AKR7A3: variants seen among roughly 807,000 people sequenced by gnomAD.
AKR7A3 encodes the protein aldo-keto reductase family 7 member A3.
In AKR7A3, 37 loss-of-function variants were observed where a neutral mutation model predicts 32.5. That is an observed-to-expected ratio of 1.14 (90% confidence interval 0.88 to 1.50). The LOEUF (loss-of-function observed/expected upper bound fraction) is 1.50. AKR7A3 is among the 40% of genes most tolerant of loss of function. The probability of loss-of-function intolerance (pLI) is 0.00; values close to 1 mark genes in which losing one functional copy is unlikely to be tolerated. For synonymous variants in AKR7A3, 177 were observed against 188.4 expected (o/e 0.94, Z 0.50); for missense variants, 412 against 453.2 (o/e 0.91, Z 0.83).
rs2093725647 is a variant in AKR7A3, at chr1:19,284,616, C to G, written c.704+70G>C. ...GCGAGGAAAGGCCTTACCCCAGGAG[C>G]AGCCCAGGACTTCATTCCACATAAA... On this transcript the variant is annotated intron_variant, in intron 5 of 6. Transcript: ENST00000361640. 2.0e-6 allele frequency: 3 copies of G among 1,506,450 alleles called. No homozygotes were observed. The Admixed American group carries it at 5.0e-5, about 25-fold the overall frequency. The allele number at this position is 1,506,450 out of a possible 1,614,324, so 93.3% of individuals were successfully genotyped here.
intron 5 of AKR7A3, 79 bp from the exon 6 acceptor site, chr1:19,284,204 C>A: frequency 6.6e-7 from 1 of 1,522,426 alleles, no homozygotes; most frequent in East Asian, 2.3e-5. Context: ...GGCCACTGTC[C>A]CACCCCACAC....
At chr1:19,288,425 C>T (rs866688881) in intron 1 of AKR7A3, 71 bp downstream of exon 1, 4 of 1,524,606 alleles carry the variant, frequency 2.6e-6, no homozygotes, top group East Asian at 2.4e-5. Flanking sequence ...CCAGGGAGAG[C>T]GGGGCGGTAC....
chr1:19,285,394 C>T (rs1305271520), intron 3 of AKR7A3, among the ~76,000 whole-genome samples: 1 of 151,710 alleles, frequency 6.6e-6, no homozygotes, highest in Non-Finnish European at 1.5e-5. Flanking sequence ...ATAATAAGGT[C>T]AAGTATAAAC....
At chr1:19,287,492 T>C (rs2093732843) in intron 1 of AKR7A3, among the ~76,000 whole-genome samples, 1 of 151,656 alleles carries the variant, frequency 6.6e-6, no homozygotes, top group Non-Finnish European at 1.5e-5. Flanking sequence ...ATGGTGCTAA[T>C]ACTAAGAACA....
At chr1:19,284,183 G>A in intron 5 of AKR7A3, 58 bp from the exon 6 acceptor site, 3 of 1,563,092 alleles carry the variant, frequency 1.9e-6, no homozygotes, top group Non-Finnish European at 2.6e-6. Context: ...CACAACCAAA[G>A]AGCCAACCAG....
rs2093724645 is a variant in AKR7A3, at chr1:19,284,221, G to A, written c.705-96C>T. The A allele has an allele frequency of 2.7e-6, 4 of 1,471,930 alleles. 1 individual carries two copies. The highest frequency in any genetic ancestry group is 1.8e-4 in the Middle Eastern group (1 of 5,534). The allele number at this position is 1,471,930 out of a possible 1,614,324, so 91.2% of individuals were successfully genotyped here. A position where few individuals can be genotyped will look rare whatever the true frequency, so the allele number is the denominator to read the frequency against. ...CCACTGTCCCACCCCACACCCTGCAGCCCTGAGGGGCAGGTGTTCTCTCTA... is the reference window on the plus strand; with the variant it reads ...CCACTGTCCCACCCCACACCCTGCAACCCTGAGGGGCAGGTGTTCTCTCTA... On this transcript the variant is annotated intron_variant, in intron 5 of 6. Transcript: ENST00000361640.
At chr1:19,274,290 G>A in the AKR7A3 span, 3 of 932,210 alleles carry the variant, frequency 3.2e-6, no homozygotes, top group Non-Finnish European at 4.4e-6. Flanking sequence ...CGAGCAAGCA[G>A]CGAAATGGCT....
chr1:19,285,178 C>T (rs533412491), intron 3 of AKR7A3, 64 bp from the exon 4 acceptor site: 1 of 1,460,854 alleles, frequency 6.8e-7, no homozygotes, highest in African/African-American at 1.4e-5. Context: ...TCAAAATTAC[C>T]CTTCCAGAAC....
the AKR7A3 span, among the ~76,000 whole-genome samples, chr1:19,274,490 C>T: frequency 2.0e-5 from 3 of 151,690 alleles, no homozygotes; most frequent in African/African-American, 4.9e-5. Flanking sequence ...GGGAGCTTAA[C>T]GGGTGTGGTG....
At position 19,282,608 on chromosome 1, in the gene AKR7A3, T is replaced by C; in HGVS notation, c.*123A>G. 6.7e-7 allele frequency: 1 copy of C among 1,499,560 alleles called. No individual in the cohort carries two copies. The highest frequency in any genetic ancestry group is 9.1e-7 in the Non-Finnish European group (1 of 1,100,946). The allele number at this position is 1,499,560 out of a possible 1,614,324, so 92.9% of individuals were successfully genotyped here. A position where few individuals can be genotyped will look rare whatever the true frequency, so the allele number is the denominator to read the frequency against. On this transcript the variant is annotated 3_prime_UTR_variant, in exon 7 of 7. Coordinates refer to ENST00000361640, the MANE Select transcript of AKR7A3 (RefSeq NM_012067.3). ...ATTCTTCATTTGGTGGTGACTCTTC[T>C]ATTAGGTTTTTGTCCAAATACTTCC...
In AKR7A3 at chr1:19,288,740, A is replaced by C; in HGVS notation, c.-31T>G. ...CGGCAACGGGAGACTGTGACAGCCC[A>C]GGAGCCGCGCGCAGCGGTCGGAAGC... On this transcript the variant is annotated 5_prime_UTR_variant, in exon 1 of 7. Coordinates refer to ENST00000361640, the MANE Select transcript of AKR7A3 (RefSeq NM_012067.3). 1 of 1,435,006 alleles carries C rather than the reference A, an allele frequency of 7.0e-7. No homozygotes were observed. The highest frequency in any genetic ancestry group is 9.1e-7 in the Non-Finnish European group (1 of 1,098,672). The allele number at this position is 1,435,006 out of a possible 1,614,324, so 88.9% of individuals were successfully genotyped here.
At chr1:19,281,604 T>C (rs775432633), downstream of AKR7A3, among the ~76,000 whole-genome samples, 2 of 151,948 alleles carry the variant, frequency 1.3e-5, no homozygotes, top group East Asian at 1.9e-4. Context: ...CACTGCACTC[T>C]AGCCTGGGAG....
the AKR7A3 span, among the ~76,000 whole-genome samples, chr1:19,275,994 G>A: frequency 1.3e-5 from 2 of 151,908 alleles, no homozygotes; most frequent in Non-Finnish European, 1.5e-5. Flanking sequence ...TATAGTTGGA[G>A]GTTTCAACAC....
At chr1:19,287,970 T>G (rs1477685945) in intron 1 of AKR7A3, among the ~76,000 whole-genome samples, 3 of 152,038 alleles carry the variant, frequency 2.0e-5, no homozygotes, top group African/African-American at 7.2e-5. Context: ...CCCTTGTGAG[T>G]ACCACAAGGT....
chr1:19,284,629 C>A, intron 5 of AKR7A3, 57 bp downstream of exon 5: 2 of 1,569,880 alleles, frequency 1.3e-6, no homozygotes, highest in South Asian at 2.2e-5. Context: ...CCCAGGACTT[C>A]ATTCCACATA....
intron 1 of AKR7A3, among the ~76,000 whole-genome samples, chr1:19,287,541 TGCCA>T (rs2093732929): frequency 6.6e-6 from 1 of 151,916 alleles, no homozygotes; most frequent in Non-Finnish European, 1.5e-5. Context: ...ACTATGTGCC[TGCCA>T]GGCATCGGCC....
chr1:19,288,590 G>A lies in AKR7A3; in HGVS notation c.120C>T (p.His40=). The A allele has an allele frequency of 1.2e-6, 2 of 1,603,834 alleles. No individual in the cohort carries two copies. The highest frequency in any genetic ancestry group is 1.1e-5 in the South Asian group (1 of 89,760). The change falls in exon 1 of 7, where the codon CAC becomes CAT. Residue 40 remains histidine (H), a synonymous_variant. Transcript: ENST00000361640. The part of the protein sequence containing the change: ...AVTRAFLERG[H]TEIDTAFVYS... ...ACACGAAGGCCGTGTCTATCTCGGT[G>A]TGGCCGCGCTCCAGGAAGGCGCGCG... is the stretch of plus-strand genomic sequence containing the variant.
intron 4 of AKR7A3, 73 bp downstream of exon 4, chr1:19,284,945 G>T (rs4911982): frequency 1.0e-5 from 16 of 1,604,546 alleles, no homozygotes; most frequent in Middle Eastern, 2.1e-4. Context: ...AACCCTCCTT[G>T]CTTCCCAGGT....
chr1:19,284,668 C>G lies in AKR7A3; in HGVS notation c.704+18G>C. On this transcript the variant is annotated intron_variant, in intron 5 of 6. Transcript: ENST00000361640. ...CTGACCCCACCCCAGCCATCCACACCAAGCACCCACAGCTTACCGATTCCT... is the reference window on the plus strand; with the variant it reads ...CTGACCCCACCCCAGCCATCCACACGAAGCACCCACAGCTTACCGATTCCT... 6.2e-7 allele frequency: 1 copy of G among 1,613,264 alleles called. No individual in the cohort carries two copies. Among genetic ancestry groups the G allele is most frequent in the East Asian group, 2.2e-5 (1 of 44,884 alleles).
Sources: allele counts gnomAD v4.1 joint callset (sites outside exome capture counted in the v4.1 genomes callset), GRCh38; gene constraint gnomAD v4.1.1; transcripts MANE v1.5; gene names NCBI Gene and HGNC (gene_info 2026-07-23, HGNC 2026-07-21).